Variants in HIPK2 observed in about 807,000 individuals in gnomAD.
HIPK2 encodes the protein homeodomain interacting protein kinase 2.
HIPK2 carries 27 observed loss-of-function variants against 113.7 expected under a neutral mutation model. The ratio of observed to expected loss-of-function variants is 0.24; its 90% CI spans 0.17 to 0.33. The LOEUF is 0.33. Ranked by LOEUF, HIPK2 falls within the 10% of genes least tolerant of loss-of-function variation. The pLI, the probability that HIPK2 is intolerant of heterozygous loss-of-function variation, is 1.00. For missense variants in HIPK2, 1,257 were observed against 1,588.0 expected (o/e 0.79, Z 3.54); for synonymous variants, 631 against 642.2 (o/e 0.98, Z 0.26).
Position 139,573,040 on chromosome 7 carries a change from G to C in HIPK2, c.3484C>G (p.Gln1162Glu). Residue 1162 changes from glutamine to glutamate, a missense_variant, in exon 15 of 15, where the codon CAG (glutamine) becomes GAG (glutamate). Physicochemically the swap from Gln to Glu is conservative, Grantham distance 29. Coordinates refer to ENST00000406875, the MANE Select transcript of HIPK2 (RefSeq NM_022740.5). ...TGGTGGGCAAATTGGGCTGGATACT[G>C]ACTCGGGTGGATGGTGGGCGAGGGC... ...VLPSPTIHPS[Q>E]YPAQFAHQTY... 6.2e-7 allele frequency: 1 copy of C among 1,612,546 alleles called. No individual in the cohort carries two copies. The highest frequency in any genetic ancestry group is 1.6e-4 in the Middle Eastern group (1 of 6,062).
chr7:139,774,585 C>A (rs1469361002), intron 1 of HIPK2, among the ~76,000 whole-genome samples: 1 of 152,266 alleles, frequency 6.6e-6, no homozygotes, highest in East Asian at 1.9e-4. Context: ...ATCTTCAGGT[C>A]CATCTGATGA....
chr7:139,699,722 G>C (rs1358417420), intron 2 of HIPK2, among the ~76,000 whole-genome samples: 2 of 152,206 alleles, frequency 1.3e-5, no homozygotes, highest in Non-Finnish European at 2.9e-5. Context: ...TGTCCAGCTG[G>C]CATGGCTGTC....
chr7:139,676,304 G>T (rs1802493689), intron 2 of HIPK2, among the ~76,000 whole-genome samples: 2 of 152,126 alleles, frequency 1.3e-5, no homozygotes, highest in Admixed American at 6.5e-5. Flanking sequence ...GGAATCCCTG[G>T]GCTCACCCAT....
At position 139,571,839 on chromosome 7, in the gene HIPK2, G is replaced by A. The variant is rs569003645; in HGVS notation, c.*1088C>T. The A allele has an allele frequency of 6.6e-6, 1 of 152,322 alleles. No individual in the cohort carries two copies. Among genetic ancestry groups the A allele is most frequent in the African/African-American group, 2.4e-5 (1 of 41,572 alleles). 9.4% of individuals were successfully genotyped at this position (152,322 alleles called of 1,614,324 possible). ...CAGTGTCAAGACTGCGCCAGCTAGG[G>A]TGGCGGCGCCGAGGGCCACGCGGGG... On this transcript the variant is annotated 3_prime_UTR_variant, in exon 15 of 15. Transcript: ENST00000406875.
chr7:139,607,298 T>A, intron 9 of HIPK2, among the ~76,000 whole-genome samples: 2 of 148,860 alleles, frequency 1.3e-5, no homozygotes, highest in African/African-American at 2.5e-5. Flanking sequence ...ACAGAGAAAA[T>A]GGAGGGGAAG....
intron 1 of HIPK2, among the ~76,000 whole-genome samples, chr7:139,738,359 G>A (rs968493070): frequency 6.6e-6 from 1 of 152,256 alleles, no homozygotes; most frequent in Non-Finnish European, 1.5e-5. Flanking sequence ...TGCTGCTGAA[G>A]AGGTTCTGTA....
intron 1 of HIPK2, among the ~76,000 whole-genome samples, chr7:139,750,387 G>A (rs1165443198): frequency 6.6e-6 from 1 of 152,174 alleles, no homozygotes; most frequent in Non-Finnish European, 1.5e-5. Flanking sequence ...AGCATGGTGG[G>A]CAATGGAATC....
intron 2 of HIPK2, among the ~76,000 whole-genome samples, chr7:139,675,309 G>A (rs979312995): frequency 6.6e-6 from 1 of 151,636 alleles, no homozygotes; most frequent in Non-Finnish European, 1.5e-5. Context: ...CACAGTCACT[G>A]ACCTTCAGGG....
chr7:139,648,695 C>T (rs1255912940), intron 2 of HIPK2, among the ~76,000 whole-genome samples: 2 of 152,148 alleles, frequency 1.3e-5, no homozygotes, highest in Non-Finnish European at 1.5e-5. Flanking sequence ...CTCATCAGCC[C>T]CGTCTGCATC....
intron 13 of HIPK2, 24 bp from the exon 14 acceptor site, chr7:139,575,312 C>G: frequency 1.3e-6 from 2 of 1,546,348 alleles, no homozygotes; most frequent in Non-Finnish European, 1.7e-6. Context: ...AGAAAGAGGT[C>G]AGATCAGTGG....
chr7:139,676,314 T>C (rs558625918), intron 2 of HIPK2, among the ~76,000 whole-genome samples: 7 of 152,334 alleles, frequency 4.6e-5, no homozygotes, highest in South Asian at 2.1e-4. Context: ...GGCTCACCCA[T>C]GCTGAACTTC....
intron 2 of HIPK2, among the ~76,000 whole-genome samples, chr7:139,661,982 T>C (rs1801881704): frequency 1.3e-5 from 2 of 152,354 alleles, no homozygotes; most frequent in South Asian, 4.1e-4. Context: ...ATTATTAAAA[T>C]ACACTTGCTA....
chr7:139,626,934 A>G, intron 5 of HIPK2, 149 bp from the exon 6 acceptor site: 1 of 795,582 alleles, frequency 1.3e-6, no homozygotes, highest in Non-Finnish European at 2.0e-6. Context: ...GGGAGGCACC[A>G]CCCACATGTT....
At chr7:139,774,650 A>T (rs543403030) in intron 1 of HIPK2, among the ~76,000 whole-genome samples, 1 of 152,278 alleles carries the variant, frequency 6.6e-6, no homozygotes, top group East Asian at 1.9e-4. Flanking sequence ...TACATAAGCC[A>T]ATAGTAATCA....
chr7:139,580,521 G>C (rs1037758586), intron 13 of HIPK2, among the ~76,000 whole-genome samples: 9 of 152,266 alleles, frequency 5.9e-5, no homozygotes, highest in African/African-American at 2.2e-4. Context: ...CTTTGGAACA[G>C]TGAGGAAACA....
intron 2 of HIPK2, among the ~76,000 whole-genome samples, chr7:139,651,516 C>T (rs977434554): frequency 2.4e-4 from 36 of 152,326 alleles, no homozygotes; most frequent in South Asian, 1.0e-3. Context: ...GCCCTCTGCA[C>T]GTGTGTGTCA....
intron 7 of HIPK2, among the ~76,000 whole-genome samples, chr7:139,617,301 A>G (rs1410115786): frequency 6.6e-6 from 1 of 152,176 alleles, no homozygotes; most frequent in African/African-American, 2.4e-5. Flanking sequence ...TCCTGACTCA[A>G]GTGGTCCTCC....
intron 12 of HIPK2, among the ~76,000 whole-genome samples, chr7:139,588,178 C>T (rs1163139143): frequency 4.0e-5 from 6 of 151,826 alleles, no homozygotes; most frequent in Non-Finnish European, 5.9e-5. Context: ...ATTAGCCAGG[C>T]GTGGTGGTGT....
intron 13 of HIPK2, among the ~76,000 whole-genome samples, chr7:139,576,242 T>C (rs779609378): frequency 2.6e-4 from 39 of 152,222 alleles, no homozygotes; most frequent in Non-Finnish European, 4.9e-4. Flanking sequence ...ACTGCCTCCA[T>C]GTTATTGCCA....
Sources: gnomAD v4.1 joint callset for allele counts (sites outside exome capture counted in the v4.1 genomes callset) on GRCh38, gnomAD v4.1.1 for gene constraint, MANE v1.5 for transcripts, NCBI Gene and HGNC (gene_info 2026-07-23, HGNC 2026-07-21) for gene names.